Variants in METAP1 observed in about 807,000 individuals in gnomAD.
METAP1 encodes the protein methionine aminopeptidase 1.
A neutral mutation model predicts 53.8 loss-of-function variants in METAP1; 28 were observed. The ratio of observed to expected loss-of-function variants is 0.52; its 90% confidence interval spans 0.39 to 0.71. The LOEUF is 0.71. Ranked by LOEUF, METAP1 falls within the 30% of genes least tolerant of loss-of-function variation. The pLI is 0.00. For synonymous variants in METAP1, 181 were observed against 165.7 expected (o/e 1.09, Z -0.71); for missense variants, 389 against 479.8 (o/e 0.81, Z 1.77).
At chr4:99,039,031 A>G (rs931061636) in intron 4 of METAP1, among the ~76,000 whole-genome samples, 3 of 152,166 alleles carry the variant, frequency 2.0e-5, no homozygotes, top group Non-Finnish European at 4.4e-5. Context: ...GATGATTATG[A>G]AAGTAATTTG....
rs1218280901 is a variant in METAP1 at position 99,016,790 on chromosome 4, G to A, written c.115-12077G>A. 2.0e-5 allele frequency among the ~76,000 whole-genome samples: 3 copies of A among 152,202 alleles called. No individual in the cohort carries two copies. The East Asian group carries it at 5.8e-4, about 29-fold the overall frequency. ...TAATGCAGCTGTCAGTGACCTGTCT[G>A]GCCAGGGTGTAGATCCCAGTACATC... On this transcript the variant is annotated intron_variant, in intron 1 of 10. Coordinates refer to ENST00000296411, the MANE Select transcript of METAP1 (RefSeq NM_015143.3).
At position 99,035,426 on chromosome 4, in the gene METAP1, T is replaced by C. The variant is rs779474792; in HGVS notation, c.306T>C (p.Tyr102=). The C allele has an allele frequency of 1.8e-5, 28 of 1,549,046 alleles. No individual in the cohort carries two copies. Among genetic ancestry groups the C allele is most frequent in the East Asian group, 9.8e-5 (4 of 40,848 alleles). The change falls in exon 4 of 11, where the codon TAT becomes TAC. Residue 102 remains tyrosine (Y), a synonymous_variant. Transcript: ENST00000296411. ...PLMPTRPVPS[Y]IQRPDYADHP... ...TGCCAACAAGGCCAGTGCCAAGTTA[T>C]ATTCAAAGACCAGATTATGCTGATC...
In METAP1 at chr4:99,061,091, T is replaced by G. The variant is rs562680952; in HGVS notation, c.998-63T>G. The G allele has an allele frequency of 1.0e-5, 16 of 1,535,010 alleles. No homozygotes were observed. In the South Asian group the frequency reaches 1.6e-4, roughly 15 times the overall value. On this transcript the variant is annotated intron_variant, in intron 10 of 10. Coordinates refer to ENST00000296411, the MANE Select transcript of METAP1 (RefSeq NM_015143.3). The stretch of plus-strand genomic sequence containing the variant: ...TAGTAGTGAATTTTTTCCTTGGCTT[T>G]CTTCTTGATAGAGTTCATTTAGAAA...
chr4:99,009,797 A>C (rs1343449447), intron 1 of METAP1, among the ~76,000 whole-genome samples: 5 of 152,166 alleles, frequency 3.3e-5, no homozygotes, highest in African/African-American at 9.7e-5. Flanking sequence ...GTTATTTGCA[A>C]ATCTTTTCTC....
At chr4:99,040,337 A>T (rs2110365054) in intron 5 of METAP1, among the ~76,000 whole-genome samples, 1 of 152,248 alleles carries the variant, frequency 6.6e-6, no homozygotes, top group South Asian at 2.1e-4. Context: ...TAATACATTG[A>T]TATTATTCAT....
chr4:99,022,783 T>C, intron 1 of METAP1: 1 of 1,601,212 alleles, frequency 6.2e-7, no homozygotes, highest in South Asian at 1.1e-5. Context: ...CACTCTTGGC[T>C]ATGCGCTTGT....
intron 9 of METAP1, among the ~76,000 whole-genome samples, chr4:99,049,697 G>A (rs1356922120): frequency 6.6e-6 from 1 of 152,116 alleles, no homozygotes; most frequent in Non-Finnish European, 1.5e-5. Context: ...TATATTTTGA[G>A]CCGCTGCTAG....
chr4:99,057,028 G>T (rs975029703), intron 9 of METAP1, among the ~76,000 whole-genome samples: 2 of 151,840 alleles, frequency 1.3e-5, no homozygotes, highest in African/African-American at 2.4e-5. Flanking sequence ...ACCACACCTG[G>T]CTAATTTTTG....
At chr4:99,022,666 G>T in intron 1 of METAP1, 2 of 1,210,592 alleles carry the variant, frequency 1.7e-6, no homozygotes, top group Non-Finnish European at 2.4e-6. Flanking sequence ...GGTGCTCGCT[G>T]TGGTGGGACC....
At position 99,052,501 on chromosome 4, in the gene METAP1, G is replaced by A. The variant is rs116386724; in HGVS notation, c.931+3625G>A. 3.2e-3 allele frequency among the ~76,000 whole-genome samples: 491 copies of A among 152,308 alleles called. 5 individuals carry two copies. Among genetic ancestry groups the A allele is most frequent in the African/African-American group, 0.011 (456 of 41,566 alleles). On this transcript the variant is annotated intron_variant, in intron 9 of 10. Transcript: ENST00000296411. Reference sequence around the variant, plus strand: ...CAAAGAGGGAGTGAGTGTCTCACATGGTGGGAGCAGGAGCAAGAGAGAGAG... The same window carrying A: ...CAAAGAGGGAGTGAGTGTCTCACATAGTGGGAGCAGGAGCAAGAGAGAGAG...
chr4:99,047,598 AT>A (rs1726363524), intron 8 of METAP1, among the ~76,000 whole-genome samples: 1 of 152,208 alleles, frequency 6.6e-6, no homozygotes, highest in African/African-American at 2.4e-5. Context: ...AAAAATGTTA[AT>A]TAAACTGATT....
chr4:99,050,818 G>T (rs1202937302), intron 9 of METAP1, among the ~76,000 whole-genome samples: 1 of 152,150 alleles, frequency 6.6e-6, no homozygotes, highest in Admixed American at 6.5e-5. Flanking sequence ...CCCAAGGCTT[G>T]TACCCTCAAA....
At chr4:99,060,642 C>T (rs541853175) in intron 10 of METAP1, among the ~76,000 whole-genome samples, 7 of 152,236 alleles carry the variant, frequency 4.6e-5, no homozygotes, top group South Asian at 2.1e-4. Flanking sequence ...GGATTACAGG[C>T]GTGTGCCACC....
At chr4:99,004,763 A>G (rs1256383108) in intron 1 of METAP1, among the ~76,000 whole-genome samples, 1 of 152,206 alleles carries the variant, frequency 6.6e-6, no homozygotes, top group Non-Finnish European at 1.5e-5. Flanking sequence ...TTTTACCAAC[A>G]AAATGATTAC....
intron 6 of METAP1, among the ~76,000 whole-genome samples, chr4:99,042,897 T>C (rs1351876309): frequency 6.6e-6 from 1 of 152,152 alleles, no homozygotes; most frequent in Non-Finnish European, 1.5e-5. Context: ...AATTTCAAAT[T>C]TGAAATTCTA....
In METAP1 at chr4:99,061,320, T is replaced by G; in HGVS notation, c.*3T>G. 6.2e-7 allele frequency: 1 copy of G among 1,611,682 alleles called. No individual in the cohort carries two copies. The highest frequency in any genetic ancestry group is 8.5e-7 in the Non-Finnish European group (1 of 1,178,506). On this transcript the variant is annotated 3_prime_UTR_variant, in exon 11 of 11. Coordinates refer to ENST00000296411, the MANE Select transcript of METAP1 (RefSeq NM_015143.3). Reference sequence around the variant, plus strand: ...CTCACTTCATGTCTCAATTTTAATTTCTCCCAAGATGGCACATCTCAGTAC... The same window carrying G: ...CTCACTTCATGTCTCAATTTTAATTGCTCCCAAGATGGCACATCTCAGTAC...
chr4:99,022,765 G>A, intron 1 of METAP1: 1 of 1,602,286 alleles, frequency 6.2e-7, no homozygotes, highest in Non-Finnish European at 8.5e-7. Context: ...TGTGTAGACT[G>A]GCCGCCACAC....
chr4:99,023,172 T>A, intron 1 of METAP1: 2 of 597,360 alleles, frequency 3.3e-6, no homozygotes, highest in Non-Finnish European at 5.5e-6. Flanking sequence ...TCATTACTTC[T>A]AATGACTGCA....
In METAP1 at chr4:99,062,445, T is replaced by C. The variant is rs979692240; in HGVS notation, c.*1128T>C. On this transcript the variant is annotated 3_prime_UTR_variant, in exon 11 of 11. Transcript: ENST00000296411. ...CTCAGCTGCCCCATATCTACGTTCC[T>C]TTCAGCAGTTGTCCAAGTAGGAGTG... 6.6e-6 allele frequency: 1 copy of C among 152,650 alleles called. No homozygotes were observed. Among genetic ancestry groups the C allele is most frequent in the Non-Finnish European group, 1.5e-5 (1 of 68,054 alleles). 9.5% of individuals were successfully genotyped at this position (152,650 alleles called of 1,614,324 possible).
Sources: gnomAD v4.1 joint callset for allele counts (sites outside exome capture counted in the v4.1 genomes callset) on GRCh38, gnomAD v4.1.1 for gene constraint, MANE v1.5 for transcripts, NCBI Gene and HGNC (gene_info 2026-07-23, HGNC 2026-07-21) for gene names.